The following LINGO2 variants were observed in gnomAD, a reference collection of about 807,000 sequenced individuals.
The protein encoded by LINGO2 is leucine rich repeat and Ig domain containing 2, also known as leucine-rich repeat and immunoglobulin-like domain-containing nogo receptor-interacting protein 2.
Under a neutral mutation model 30.6 loss-of-function variants are expected in LINGO2, and 14 were observed. The observed-to-expected ratio is 0.46, with a 90% confidence interval of 0.30 to 0.72. LINGO2 has a LOEUF of 0.72. LINGO2 is among the 30% of genes least tolerant of loss of function. The pLI is 0.07. For missense variants in LINGO2, 729 were observed against 751.7 expected (o/e 0.97, Z 0.35); for synonymous variants, 317 against 288.5 (o/e 1.10, Z -1.00).
the LINGO2 span, among the ~76,000 whole-genome samples, chr9:29,187,653 A>T: frequency 1.3e-5 from 2 of 152,296 alleles, no homozygotes; most frequent in East Asian, 3.9e-4. Context: ...AAATACATCA[A>T]ATCTATTTTC....
the LINGO2 span, among the ~76,000 whole-genome samples, chr9:28,865,890 T>C: frequency 6.6e-6 from 1 of 152,170 alleles, no homozygotes; most frequent in Non-Finnish European, 1.5e-5. Context: ...ATTAAGTTGA[T>C]CCAATAATAA....
chr9:28,174,538 G>A (rs957862988), intron 4 of LINGO2, among the ~76,000 whole-genome samples: 1 of 151,980 alleles, frequency 6.6e-6, no homozygotes, highest in African/African-American at 2.4e-5. Context: ...ACATAAGCAT[G>A]TGCACTTCTA....
At chr9:29,139,264 T>G in the LINGO2 span, among the ~76,000 whole-genome samples, 1 of 152,130 alleles carries the variant, frequency 6.6e-6, no homozygotes, top group Non-Finnish European at 1.5e-5. Context: ...CCTAATACCT[T>G]GATTACAGCT....
chr9:28,815,811 T>C, the LINGO2 span, among the ~76,000 whole-genome samples: 4 of 152,362 alleles, frequency 2.6e-5, no homozygotes, highest in South Asian at 2.1e-4. Flanking sequence ...TTACATGGGA[T>C]TGCCTCTAGA....
At chr9:27,973,106 G>T (rs1241873525) in intron 5 of LINGO2, among the ~76,000 whole-genome samples, 1 of 152,144 alleles carries the variant, frequency 6.6e-6, no homozygotes, top group Non-Finnish European at 1.5e-5. Context: ...CTTGCAGAGA[G>T]CAGATGGTAG....
chr9:28,342,659 T>C (rs536606791), intron 3 of LINGO2, among the ~76,000 whole-genome samples: 9 of 152,080 alleles, frequency 5.9e-5, no homozygotes, highest in Admixed American at 3.3e-4. Context: ...AGTACTGCAG[T>C]ATATGGGGTG....
upstream of LINGO2, among the ~76,000 whole-genome samples, chr9:28,673,083 T>C (rs1051440201): frequency 2.6e-5 from 4 of 152,098 alleles, no homozygotes; most frequent in Non-Finnish European, 4.4e-5. Flanking sequence ...TACAATAGCA[T>C]TGTGTTTGTA....
At chr9:28,839,525 C>T in the LINGO2 span, among the ~76,000 whole-genome samples, 1 of 152,034 alleles carries the variant, frequency 6.6e-6, no homozygotes, top group Non-Finnish European at 1.5e-5. Context: ...TATTTATAGG[C>T]AGGTCGTCCC....
At chr9:28,386,090 G>A (rs557650834) in intron 2 of LINGO2, among the ~76,000 whole-genome samples, 53 of 152,074 alleles carry the variant, frequency 3.5e-4, no homozygotes, top group Non-Finnish European at 6.9e-4. Context: ...ACACAACATC[G>A]ATGACTTATA....
chr9:28,925,546 G>T, the LINGO2 span, among the ~76,000 whole-genome samples: 14 of 152,304 alleles, frequency 9.2e-5, no homozygotes, highest in African/African-American at 2.6e-4. Context: ...CTTCCCTGGG[G>T]AAGGATAACT....
the LINGO2 span, among the ~76,000 whole-genome samples, chr9:29,014,508 G>A: frequency 6.6e-6 from 1 of 152,150 alleles, no homozygotes; most frequent in South Asian, 2.1e-4. Flanking sequence ...ACTATGAAGT[G>A]AAAGTAAGTG....
intron 3 of LINGO2, among the ~76,000 whole-genome samples, chr9:28,328,935 T>C (rs2134335201): frequency 6.6e-6 from 1 of 152,256 alleles, no homozygotes; most frequent in African/African-American, 2.4e-5. Context: ...TTAATACTGG[T>C]GCCATTTGAC....
At chr9:28,505,294 G>A (rs2135333942) in intron 1 of LINGO2, among the ~76,000 whole-genome samples, 1 of 151,896 alleles carries the variant, frequency 6.6e-6, no homozygotes, top group African/African-American at 2.4e-5. Context: ...TCTCAGGTGG[G>A]GCCAAAGGTA....
chr9:29,059,934 G>A, the LINGO2 span, among the ~76,000 whole-genome samples: 1 of 152,022 alleles, frequency 6.6e-6, no homozygotes, highest in Admixed American at 6.6e-5. Flanking sequence ...ACAGCTGAAT[G>A]GCAGGGTAAG....
At chr9:28,242,609 G>A (rs567157360) in intron 4 of LINGO2, among the ~76,000 whole-genome samples, 102 of 151,924 alleles carry the variant, frequency 6.7e-4, no homozygotes, top group Non-Finnish European at 1.3e-3. Flanking sequence ...ATTCAAATTC[G>A]GGAAATACAG....
At chr9:28,149,718 T>G (rs4878745) in intron 4 of LINGO2, among the ~76,000 whole-genome samples, 147,806 of 148,766 alleles carry the variant, frequency 0.99, 73,428 homozygotes, top group East Asian at 1. Flanking sequence ...TGCCCTGTCT[T>G]GGAAGTGAGG....
chr9:29,040,631 C>T, the LINGO2 span, among the ~76,000 whole-genome samples: 1 of 151,246 alleles, frequency 6.6e-6, no homozygotes, highest in Non-Finnish European at 1.5e-5. Context: ...CATTGAGAAG[C>T]TTGTTTCTAA....
At chr9:28,680,567 T>C in the LINGO2 span, among the ~76,000 whole-genome samples, 1 of 152,164 alleles carries the variant, frequency 6.6e-6, no homozygotes, top group Non-Finnish European at 1.5e-5. Context: ...TGCTAATTTA[T>C]ATTTCCAACA....
At chr9:29,102,745 C>T in the LINGO2 span, among the ~76,000 whole-genome samples, 1 of 151,972 alleles carries the variant, frequency 6.6e-6, no homozygotes, top group Non-Finnish European at 1.5e-5. Flanking sequence ...TAAAATAAAT[C>T]GTAGTGTTTT....
Sources: gnomAD v4.1 joint callset for allele counts (sites outside exome capture counted in the v4.1 genomes callset) on GRCh38, gnomAD v4.1.1 for gene constraint, MANE v1.5 for transcripts, NCBI Gene and HGNC (gene_info 2026-07-23, HGNC 2026-07-21) for gene names.